WDR43: variants seen among roughly 807,000 people sequenced by gnomAD.
WDR43 encodes WD repeat domain 43, also known as WD repeat-containing protein 43.
In WDR43, 13 loss-of-function variants were observed where a neutral mutation model predicts 91.4. The ratio of observed to expected loss-of-function variants is 0.14; its 90% CI spans 0.09 to 0.23. WDR43 has a LOEUF of 0.23. WDR43 is among the 10% of genes least tolerant of loss of function. WDR43 has a pLI of 1.00. For synonymous variants in WDR43, 331 were observed against 287.9 expected (o/e 1.15, Z -1.51); for missense variants, 780 against 809.4 (o/e 0.96, Z 0.44).
chr2:28,913,113 G>A (rs6743535), intron 4 of WDR43, among the ~76,000 whole-genome samples: 7 of 151,166 alleles, frequency 4.6e-5, no homozygotes, highest in South Asian at 2.1e-4. Context: ...GCCACCACGC[G>A]TGGCTAATTT....
intron 6 of WDR43, among the ~76,000 whole-genome samples, chr2:28,918,575 G>A (rs1338294193): frequency 6.6e-6 from 1 of 151,974 alleles, no homozygotes; most frequent in Non-Finnish European, 1.5e-5. Flanking sequence ...CTCCATTTTG[G>A]TCAGGCTGGT....
rs193040433 is a variant in WDR43, at chr2:28,918,006, C to T, written c.849+11C>T. 53 of 1,550,362 alleles carry T rather than the reference C, an allele frequency of 3.4e-5. No homozygotes were observed. The highest frequency in any genetic ancestry group is 8.2e-5 in the African/African-American group (6 of 73,120). ...GAAAACAAAGAAGAGGTAAATGGCT[C>T]GATTTTTGAGAATTTGTTTTTGGGT... On this transcript the variant is annotated intron_variant, in intron 6 of 17. Coordinates refer to ENST00000407426, the MANE Select transcript of WDR43 (RefSeq NM_015131.3).
chr2:28,940,914 T>C (rs916707208), intron 14 of WDR43, among the ~76,000 whole-genome samples: 16 of 152,222 alleles, frequency 1.1e-4, no homozygotes, highest in Non-Finnish European at 5.9e-5. Context: ...AATGTCCTAC[T>C]TTCATTTTTT....
intron 16 of WDR43, among the ~76,000 whole-genome samples, chr2:28,942,720 A>G (rs1007659262): frequency 4.0e-5 from 6 of 151,060 alleles, no homozygotes; most frequent in Admixed American, 6.6e-5. Flanking sequence ...GCTCAATGCA[A>G]TCTTCCTGTC....
intron 5 of WDR43, among the ~76,000 whole-genome samples, chr2:28,917,174 A>T (rs761268275): frequency 1.7e-4 from 26 of 152,314 alleles, no homozygotes; most frequent in Non-Finnish European, 3.1e-4. Context: ...GAATGTAGCT[A>T]CCTTAGCTGA....
At chr2:28,935,713 A>G in intron 12 of WDR43, 106 bp downstream of exon 12, 2 of 506,474 alleles carry the variant, frequency 3.9e-6, no homozygotes, top group Non-Finnish European at 3.2e-6. Flanking sequence ...CATGGCATTT[A>G]GAGTGAGTAA....
At chr2:28,921,686 C>T (rs1671028924) in intron 6 of WDR43, among the ~76,000 whole-genome samples, 1 of 151,950 alleles carries the variant, frequency 6.6e-6, no homozygotes, top group South Asian at 2.1e-4. Context: ...AATTTGATGG[C>T]GGAGAAATGA....
At chr2:28,930,065 C>G (rs986040365) in intron 11 of WDR43, 1 of 474,846 alleles carries the variant, frequency 2.1e-6, no homozygotes, top group Non-Finnish European at 4.3e-6. Flanking sequence ...TAGGAAAATG[C>G]GTTCCTGAGT....
intron 7 of WDR43, among the ~76,000 whole-genome samples, chr2:28,924,770 C>G (rs947005646): frequency 1.2e-4 from 18 of 151,960 alleles, no homozygotes; most frequent in African/African-American, 4.4e-4. Flanking sequence ...GGAAGTAGGT[C>G]TCCAGTCTGA....
At chr2:28,905,838 A>AT (rs534852806) in intron 2 of WDR43, among the ~76,000 whole-genome samples, 3 of 151,578 alleles carry the variant, frequency 2.0e-5, no homozygotes, top group Admixed American at 6.6e-5. Flanking sequence ...CTAATTTTGT[A>AT]TTTTTTTAGT....
rs117014646 is a variant in WDR43, at chr2:28,930,311, A to G, written c.1437+601A>G. On this transcript the variant is annotated intron_variant, in intron 11 of 17. Transcript: ENST00000407426. ...ACTCAGTTTGATTCTCTTAAATTCT[A>G]CAGTTTGACAGCATTCTATCTAGAA... 3.9e-4 allele frequency among the ~76,000 whole-genome samples: 60 copies of G among 152,312 alleles called. 1 individual carries two copies. In the East Asian group the frequency reaches 0.011, roughly 28 times the overall value.
At chr2:28,928,738 A>G (rs1052494175) in intron 10 of WDR43, among the ~76,000 whole-genome samples, 4 of 152,040 alleles carry the variant, frequency 2.6e-5, no homozygotes, top group South Asian at 2.1e-4. Flanking sequence ...CTGGGGTGCA[A>G]TGGTTTGATC....
At chr2:28,942,043 A>G (rs958044882) in intron 15 of WDR43, among the ~76,000 whole-genome samples, 8 of 152,192 alleles carry the variant, frequency 5.3e-5, no homozygotes, top group African/African-American at 1.9e-4. Flanking sequence ...CAGTTGTTAT[A>G]CAGTTAGTAA....
intron 2 of WDR43, chr2:28,905,048 A>T (rs1670651880): frequency 1.3e-5 from 2 of 152,064 alleles, no homozygotes; most frequent in African/African-American, 4.8e-5. Flanking sequence ...ACCTTCTGGG[A>T]TAGGTAAGAT....
chr2:28,894,711 G>A lies in WDR43; in HGVS notation c.13G>A (p.Gly5Ser), dbSNP rs1670435993. 6.4e-7 allele frequency: 1 copy of A among 1,560,830 alleles called. No individual in the cohort carries two copies. Among genetic ancestry groups the A allele is most frequent in the Non-Finnish European group, 8.7e-7 (1 of 1,153,712 alleles). ...GGCCAGAGCAGCAATGGCGGCGGGCGGCGGCGGTAGCTGCGACCCCCTGGC... is the reference window on the plus strand; with the variant it reads ...GGCCAGAGCAGCAATGGCGGCGGGCAGCGGCGGTAGCTGCGACCCCCTGGC... MAAGGGGSCDPLAPA... is the reference protein window; with the variant it reads MAAGSGGSCDPLAPA... Residue 5 changes from glycine (G) to serine (S), a missense_variant, in exon 1 of 18, where the codon GGC becomes AGC. By Grantham distance (56) the Gly-to-Ser change is moderately conservative. Coordinates refer to ENST00000407426, the MANE Select transcript of WDR43 (RefSeq NM_015131.3).
intron 7 of WDR43, among the ~76,000 whole-genome samples, chr2:28,924,683 C>CCT (rs1671095443): frequency 6.6e-6 from 1 of 151,950 alleles, no homozygotes; most frequent in Non-Finnish European, 1.5e-5. Flanking sequence ...CCATACAGGA[C>CCT]CTGAAGTACA....
At chr2:28,943,218 G>A (rs986103670) in intron 16 of WDR43, among the ~76,000 whole-genome samples, 3 of 151,588 alleles carry the variant, frequency 2.0e-5, no homozygotes, top group African/African-American at 7.3e-5. Flanking sequence ...GCTCACTGCA[G>A]CCTCAAACTC....
intron 11 of WDR43, among the ~76,000 whole-genome samples, chr2:28,931,839 A>G (rs1671252971): frequency 6.6e-6 from 1 of 151,832 alleles, no homozygotes; most frequent in East Asian, 1.9e-4. Context: ...AAAAGTTAGT[A>G]AAGAGCATAA....
intron 2 of WDR43, among the ~76,000 whole-genome samples, chr2:28,905,799 G>A (rs139593627): frequency 3.5e-4 from 53 of 151,938 alleles, no homozygotes; most frequent in Non-Finnish European, 6.0e-4. Flanking sequence ...CAGGTAGCTG[G>A]GATTACAGGC....
Sources: gnomAD v4.1 joint callset for allele counts (sites outside exome capture counted in the v4.1 genomes callset) on GRCh38, gnomAD v4.1.1 for gene constraint, MANE v1.5 for transcripts, NCBI Gene and HGNC (gene_info 2026-07-23, HGNC 2026-07-21) for gene names.